Variants in KHDRBS2 observed in about 807,000 individuals in gnomAD.
The protein encoded by KHDRBS2 is KH domain-containing, RNA-binding, signal transduction-associated protein 2.
In KHDRBS2, 26 loss-of-function variants were observed where a neutral mutation model predicts 44.3. The observed-to-expected ratio is 0.59, with a 90% CI of 0.43 to 0.81. KHDRBS2 has a LOEUF of 0.81. Among genes scored for constraint, KHDRBS2 ranks in the 40% least tolerant of loss-of-function variants. KHDRBS2 has a pLI of 0.00. For synonymous variants in KHDRBS2, 194 were observed against 151.1 expected, an observed-to-expected ratio of 1.28 and a Z score of -2.08; for missense variants, 476 against 433.1, an observed-to-expected ratio of 1.10 and a Z score of -0.88.
At chr6:61,946,675 G>T (rs759697506) in intron 4 of KHDRBS2, among the ~76,000 whole-genome samples, 1 of 152,134 alleles carries the variant, frequency 6.6e-6, no homozygotes, top group Non-Finnish European at 1.5e-5. Flanking sequence ...TATGACCATC[G>T]CTGGTACTGA....
At chr6:62,093,103 C>T (rs534383502) in intron 2 of KHDRBS2, among the ~76,000 whole-genome samples, 1 of 151,432 alleles carries the variant, frequency 6.6e-6, no homozygotes, top group Non-Finnish European at 1.5e-5. Context: ...AAATAAAATC[C>T]TCTACTTTTA....
intron 5 of KHDRBS2, among the ~76,000 whole-genome samples, chr6:61,898,523 C>G (rs900984493): frequency 6.6e-6 from 1 of 151,814 alleles, no homozygotes; most frequent in African/African-American, 2.4e-5. Flanking sequence ...ATTATTTTAT[C>G]TTAACACTAT....
the KHDRBS2 span, among the ~76,000 whole-genome samples, chr6:61,545,501 C>CTGTGTGTGTGTGTGTGTGTGTGTG: frequency 6.5e-4 from 96 of 148,442 alleles, no homozygotes; most frequent in Non-Finnish European, 1.0e-3. Flanking sequence ...TAGCTAATCT[C>CTGTGTGTGTGTGTGTGTGTGTGTG]TGTGTGTGTG....
chr6:62,180,332 T>G (rs1340673343), intron 1 of KHDRBS2, among the ~76,000 whole-genome samples: 1 of 151,852 alleles, frequency 6.6e-6, no homozygotes, highest in Non-Finnish European at 1.5e-5. Flanking sequence ...AACTAATAAG[T>G]GAATTCAGGA....
the KHDRBS2 span, among the ~76,000 whole-genome samples, chr6:61,599,391 AG>A: frequency 6.6e-6 from 1 of 152,186 alleles, no homozygotes; most frequent in Non-Finnish European, 1.5e-5. Context: ...ACAAAGTCCC[AG>A]AGGTAACTTT....
chr6:61,733,352 T>A (rs113782392), intron 6 of KHDRBS2, among the ~76,000 whole-genome samples: 1,838 of 152,142 alleles, frequency 0.012, 44 homozygotes, highest in African/African-American at 0.042. Flanking sequence ...GCACTTTGCG[T>A]GGCCAAGGTG....
chr6:61,922,855 T>C (rs1302162003), intron 4 of KHDRBS2, among the ~76,000 whole-genome samples: 1 of 152,138 alleles, frequency 6.6e-6, no homozygotes, highest in Non-Finnish European at 1.5e-5. Context: ...GAAATAAATA[T>C]GTTTATCACT....
intron 6 of KHDRBS2, among the ~76,000 whole-genome samples, chr6:61,810,260 A>G (rs181255123): frequency 1.3e-5 from 2 of 152,284 alleles, no homozygotes; most frequent in Admixed American, 1.3e-4. Context: ...CCTTTAGACT[A>G]TGCCCTGAAG....
intron 6 of KHDRBS2, among the ~76,000 whole-genome samples, chr6:61,748,524 G>T (rs1412198339): frequency 1.3e-5 from 2 of 152,002 alleles, no homozygotes; most frequent in Non-Finnish European, 1.5e-5. Context: ...TTGAATAATT[G>T]CATCTGAAAA....
the KHDRBS2 span, among the ~76,000 whole-genome samples, chr6:61,653,105 G>A: frequency 1.3e-5 from 2 of 152,042 alleles, no homozygotes; most frequent in African/African-American, 2.4e-5. Context: ...ATTGATGGTG[G>A]AGTCAGTGAG....
chr6:61,617,834 A>T, the KHDRBS2 span, among the ~76,000 whole-genome samples: 143 of 152,302 alleles, frequency 9.4e-4, 5 homozygotes, highest in East Asian at 0.025. Context: ...ATTCCCTAGA[A>T]ATAATTAGAG....
intron 7 of KHDRBS2, among the ~76,000 whole-genome samples, chr6:61,715,568 G>A (rs1048757884): frequency 1.3e-5 from 2 of 151,906 alleles, no homozygotes; most frequent in Non-Finnish European, 2.9e-5. Context: ...TCTCAGCCTG[G>A]CATCAGCTCT....
At chr6:62,059,146 G>A (rs549397816) in intron 2 of KHDRBS2, among the ~76,000 whole-genome samples, 2 of 133,894 alleles carry the variant, frequency 1.5e-5, no homozygotes, top group Non-Finnish European at 3.1e-5. Flanking sequence ...CAGATTAAGT[G>A]CTATAGAATT....
At chr6:62,059,209 T>TG (rs1791069512) in intron 2 of KHDRBS2, among the ~76,000 whole-genome samples, 2 of 113,658 alleles carry the variant, frequency 1.8e-5, no homozygotes, top group Non-Finnish European at 3.5e-5. Context: ...TTTTTTTTTT[T>TG]TTTTTTTTTT....
rs536585979 is a variant in KHDRBS2 at position 62,048,656 on chromosome 6, CTT to C, written c.220-664_220-663del. Reference sequence around the variant, plus strand: ...ACTTATAAAGCATATATACAAAACACTTTGTCGAAATAAAAAATTCTGGGGTT... The same window carrying C: ...ACTTATAAAGCATATATACAAAACACTGTCGAAATAAAAAATTCTGGGGTT... On this transcript the variant is annotated intron_variant, in intron 2 of 8. Coordinates refer to ENST00000281156, the MANE Select transcript of KHDRBS2 (RefSeq NM_152688.4). Among the ~76,000 whole-genome samples the C allele has an allele frequency of 3.4e-4, 52 of 151,916 alleles. No homozygotes were observed. In the East Asian group the frequency reaches 8.2e-3, roughly 24 times the overall value.
At chr6:61,769,975 C>T (rs1562131240) in intron 6 of KHDRBS2, among the ~76,000 whole-genome samples, 2 of 152,162 alleles carry the variant, frequency 1.3e-5, no homozygotes, top group Non-Finnish European at 2.9e-5. Context: ...CTGTGTACTC[C>T]TCTGAGACAA....
chr6:61,602,758 C>A, the KHDRBS2 span, among the ~76,000 whole-genome samples: 7 of 152,120 alleles, frequency 4.6e-5, no homozygotes, highest in Admixed American at 3.3e-4. Context: ...GTATTGATGG[C>A]CAGGCTTCTA....
intron 1 of KHDRBS2, among the ~76,000 whole-genome samples, chr6:62,209,684 A>C (rs1182089001): frequency 6.6e-6 from 1 of 152,138 alleles, no homozygotes; most frequent in South Asian, 2.1e-4. Context: ...AGGCAGACCC[A>C]CCCTCAATCT....
At chr6:61,759,202 C>T (rs1562108933) in intron 6 of KHDRBS2, among the ~76,000 whole-genome samples, 2 of 152,096 alleles carry the variant, frequency 1.3e-5, no homozygotes, top group Non-Finnish European at 1.5e-5. Flanking sequence ...TAGACATCTG[C>T]TTGTATATAC....
Sources: gnomAD v4.1 joint callset for allele counts (sites outside exome capture counted in the v4.1 genomes callset) on GRCh38, gnomAD v4.1.1 for gene constraint, MANE v1.5 for transcripts, NCBI Gene and HGNC (gene_info 2026-07-23, HGNC 2026-07-21) for gene names.